Variants in MSLN observed in about 807,000 individuals in gnomAD.
The protein encoded by MSLN is mesothelin, also known as CAK1 antigen.
A neutral mutation model predicts 72.6 loss-of-function variants in MSLN; 82 were observed. The observed-to-expected ratio is 1.13, with a 90% CI of 0.94 to 1.36. The LOEUF (loss-of-function observed/expected upper bound fraction) is 1.36, where lower values mean the gene tolerates loss of function less well. Among genes scored for constraint, MSLN ranks in the 40% most tolerant of loss-of-function variants. MSLN has a pLI of 0.00. For synonymous variants in MSLN, 456 were observed against 387.3 expected, an observed-to-expected ratio of 1.18 and a Z score of -2.08; for missense variants, 1,005 against 847.9, an observed-to-expected ratio of 1.19 and a Z score of -2.30.
chr16:764,493 C>T (rs562274021), intron 6 of MSLN, among the ~76,000 whole-genome samples, 154 bp from the exon 7 acceptor site: 322 of 152,288 alleles, frequency 2.1e-3, no homozygotes, highest in African/African-American at 7.4e-3. Context: ...CCCCATCCCC[C>T]AGGGCAGCGC....
chr16:768,410 T>TG lies in MSLN; in HGVS notation c.1631dup (p.Pro545ThrfsTer?), dbSNP rs919076965. The TG allele has an allele frequency of 6.6e-6, 10 of 1,512,586 alleles. No homozygotes were observed. Among genetic ancestry groups the TG allele is most frequent in the Non-Finnish European group, 8.9e-6 (10 of 1,129,062 alleles). The allele number at this position is 1,512,586 out of a possible 1,614,324, so 93.7% of individuals were successfully genotyped here. On this transcript the variant is annotated frameshift_variant, in exon 17 of 18. Transcript: ENST00000545450. LOFTEE classifies it high-confidence loss of function. ...ACTGTGGCTGAGGTGCAGAAACTTCTGGGACCCCACGTGGAGGGCCTGAAG... is the reference window on the plus strand; with the variant it reads ...ACTGTGGCTGAGGTGCAGAAACTTCTGGGGACCCCACGTGGAGGGCCTGAAG...
At chr16:764,786 C>T (rs1197764135) in intron 7 of MSLN, 60 bp downstream of exon 7, 2 of 1,551,026 alleles carry the variant, frequency 1.3e-6, no homozygotes, top group East Asian at 2.3e-5. Context: ...CAGCCCCCAA[C>T]CCCCTGCCCC....
At chr16:768,222 T>C (rs1242759419) in intron 16 of MSLN, among the ~76,000 whole-genome samples, 157 bp from the exon 17 acceptor site, 1 of 151,452 alleles carries the variant, frequency 6.6e-6, no homozygotes, top group Non-Finnish European at 1.5e-5. Flanking sequence ...AGGGCAGCCA[T>C]TGAGCTGAGG....
chr16:768,532 A>G lies in MSLN; in HGVS notation c.1750A>G (p.Asn584Asp). ...LGLGLQGGIP[N>D]GYLVLDLSMQ... ...GCTGGGGCTACAGGGCGGCATCCCC[A>G]ACGGCTACCTGGTCCTAGACCTCAG... is the stretch of plus-strand genomic sequence containing the variant. The change falls in exon 17 of 18, where the codon AAC becomes GAC. Residue 584 changes from asparagine (N) to aspartate (D), a missense_variant. Physicochemically the swap from Asn to Asp is conservative, Grantham distance 23 (BLOSUM62 1). Coordinates refer to ENST00000545450, the MANE Select transcript of MSLN (RefSeq NM_005823.6). 1 of 1,601,884 alleles carries G rather than the reference A, an allele frequency of 6.2e-7. No individual in the cohort carries two copies. The highest frequency in any genetic ancestry group is 1.1e-5 in the South Asian group (1 of 90,106).
chr16:762,630 G>A, intron 2 of MSLN, 42 bp from the exon 3 acceptor site: 1 of 1,469,684 alleles, frequency 6.8e-7, no homozygotes. Context: ...GAGGCGTGGG[G>A]TGGGAGCAGG....
chr16:767,257 C>A, intron 15 of MSLN, 119 bp from the exon 16 acceptor site: 1 of 1,153,836 alleles, frequency 8.7e-7, no homozygotes, highest in Non-Finnish European at 1.3e-6. Context: ...AACCCAGGCC[C>A]TGGAATCCCT....
intron 5 of MSLN, 138 bp downstream of exon 5, chr16:763,829 A>G: frequency 2.4e-5 from 1 of 42,022 alleles, no homozygotes; most frequent in Non-Finnish European, 3.5e-5. Context: ...TGGGCTCAGG[A>G]CTGCGGGAGG....
In MSLN at chr16:763,286, C is replaced by T. The variant is rs866609146; in HGVS notation, c.129+10C>T. ...TGGAGAGACAGGGCAGGTAAGGTCC[C>T]CTCTGGGGAAACAGGGGAGGGTCTT... On this transcript the variant is annotated intron_variant, in intron 4 of 17. Transcript: ENST00000545450. 2 of 1,541,294 alleles carry T rather than the reference C, an allele frequency of 1.3e-6. No individual in the cohort carries two copies. Among genetic ancestry groups the T allele is most frequent in the Non-Finnish European group, 1.7e-6 (2 of 1,144,180 alleles).
Position 766,041 on chromosome 16 carries a change from G to C in MSLN, c.896-18G>C, listed in dbSNP as rs746526162. ...CAAACGAACTCCGGCCCTGACCCCTGACCCCTGTGCCCTGCAGAGACAGCC... is the reference window on the plus strand; with the variant it reads ...CAAACGAACTCCGGCCCTGACCCCTCACCCCTGTGCCCTGCAGAGACAGCC... On this transcript the variant is annotated intron_variant, in intron 11 of 17. Coordinates refer to ENST00000545450, the MANE Select transcript of MSLN (RefSeq NM_005823.6). The C allele has an allele frequency of 4.4e-5, 70 of 1,592,276 alleles. No homozygotes were observed. Among genetic ancestry groups the C allele is most frequent in the Middle Eastern group, 1.7e-4 (1 of 5,954 alleles).
rs905799484 is a variant in MSLN, at chr16:765,614, G to T, written c.792G>T (p.Pro264=). The part of the protein sequence containing the change: ...VLGQPIIRSI[P]QGIVAAWRQR... Reference sequence around the variant, plus strand: ...GCCAGCCCATCATCCGCAGCATCCCGCAGGTGAGACCCCAATCCCCAGCCC... The same window carrying T: ...GCCAGCCCATCATCCGCAGCATCCCTCAGGTGAGACCCCAATCCCCAGCCC... Residue 264 remains proline (P), a synonymous_variant, in exon 10 of 18, where the codon CCG becomes CCT. Transcript: ENST00000545450. The T allele has an allele frequency of 6.2e-7, 1 of 1,602,820 alleles. No individual in the cohort carries two copies. The highest frequency in any genetic ancestry group is 8.5e-7 in the Non-Finnish European group (1 of 1,178,628).
At chr16:767,308 C>A (rs963550849) in intron 15 of MSLN, 68 bp from the exon 16 acceptor site, 4 of 1,419,166 alleles carry the variant, frequency 2.8e-6, no homozygotes, top group African/African-American at 1.4e-5. Flanking sequence ...GGGCTTCCTG[C>A]AGCCTGTGGT....
chr16:768,055 AGGAGGGGCACATGGAGGGG>A (rs2041661989), intron 16 of MSLN, among the ~76,000 whole-genome samples: 2 of 59,900 alleles, frequency 3.3e-5, no homozygotes, highest in Non-Finnish European at 6.2e-5. Flanking sequence ...GGGCGCGTGG[AGGAGGGGCACATGGAGGGG>A]GGGGCAAGTG....
At chr16:767,266 C>T in intron 15 of MSLN, 110 bp from the exon 16 acceptor site, 3 of 1,190,668 alleles carry the variant, frequency 2.5e-6, no homozygotes, top group South Asian at 2.5e-5. Context: ...CCTGGAATCC[C>T]TAAGGAAAAA....
chr16:762,889 G>C lies in MSLN; in HGVS notation c.85+124G>C, dbSNP rs534710959. The C allele has an allele frequency of 2.1e-5, 16 of 760,686 alleles. No homozygotes were observed. In the African/African-American group the frequency reaches 2.7e-4, roughly 13 times the overall value. 47.1% of individuals were successfully genotyped at this position (760,686 alleles called of 1,614,324 possible). ...GAGTGCCTGTGGTGGCCACGTCTCA[G>C]CAGCAGTCTCTGCCCCCAGAGGTGA... On this transcript the variant is annotated intron_variant, in intron 3 of 17. Coordinates refer to ENST00000545450, the MANE Select transcript of MSLN (RefSeq NM_005823.6).
At chr16:767,494 GTGTGGAGGAGGGGCC>G (rs774362230) in intron 16 of MSLN, 24 bp downstream of exon 16, 4 of 1,478,180 alleles carry the variant, frequency 2.7e-6, no homozygotes, top group African/African-American at 2.0e-5. Flanking sequence ...GAGGAGGGGC[GTGTGGAGGAGGGGCC>G]CGTGGAGGAG....
intron 9 of MSLN, 31 bp from the exon 10 acceptor site, chr16:765,496 G>T: frequency 1.3e-6 from 2 of 1,577,074 alleles, no homozygotes; most frequent in Non-Finnish European, 8.6e-7. Context: ...GCACGTGGGG[G>T]GTCCCTGAGC....
chr16:765,031 T>C lies in MSLN; in HGVS notation c.505T>C (p.Cys169Arg). ...GCGGCTGCTGCCTGCGGCTCTGGCC[T>C]GCTGGGTAGGGGCTGGGGCCAGCGC... ...RQRLLPAALA[C>R]WGVRGSLLSE... The change falls in exon 8 of 18, where the codon TGC becomes CGC. Residue 169 changes from cysteine (C) to arginine (R), a missense_variant. Coordinates refer to ENST00000545450, the MANE Select transcript of MSLN (RefSeq NM_005823.6). 1 of 1,611,590 alleles carries C rather than the reference T, an allele frequency of 6.2e-7. No individual in the cohort carries two copies. Among genetic ancestry groups the C allele is most frequent in the Non-Finnish European group, 8.5e-7 (1 of 1,179,402 alleles).
At position 765,056 on chromosome 16, in the gene MSLN, CG is replaced by C. The variant is rs2041586973; in HGVS notation, c.510+24del. ...TGCTGGGTAGGGGCTGGGGCCAGCG[CG>C]GGGCGGAGAGGGCTCGGCAGTTCCA... On this transcript the variant is annotated intron_variant, in intron 8 of 17. Transcript: ENST00000545450. 6.2e-7 allele frequency: 1 copy of C among 1,609,726 alleles called. No homozygotes were observed. The highest frequency in any genetic ancestry group is 8.5e-7 in the Non-Finnish European group (1 of 1,178,510).
intron 2 of MSLN, among the ~76,000 whole-genome samples, chr16:761,861 A>G (rs999191058): frequency 1.3e-5 from 2 of 152,212 alleles, no homozygotes; most frequent in Non-Finnish European, 2.9e-5. Context: ...GGCCTGGGCC[A>G]AGGTTTTCAG....
Sources: gnomAD v4.1 joint callset for allele counts (sites outside exome capture counted in the v4.1 genomes callset) on GRCh38, gnomAD v4.1.1 for gene constraint, MANE v1.5 for transcripts, NCBI Gene and HGNC (gene_info 2026-07-23, HGNC 2026-07-21) for gene names.